FEM1C: variants seen among roughly 807,000 people sequenced by gnomAD.
FEM1C encodes protein fem-1 homolog C.
A neutral mutation model predicts 37.6 loss-of-function variants in FEM1C; 15 were observed. The observed-to-expected ratio is 0.40, with a 90% confidence interval of 0.27 to 0.61. FEM1C has a LOEUF of 0.61. FEM1C is among the 20% of genes least tolerant of loss of function. The pLI, the probability that FEM1C is intolerant of heterozygous loss-of-function variation, is 0.42. For synonymous variants in FEM1C, 287 were observed against 272.8 expected (o/e 1.05, Z -0.51); for missense variants, 532 against 749.7 (o/e 0.71, Z 3.39).
chr5:115,537,867 C>A (rs1754160143), intron 2 of FEM1C, among the ~76,000 whole-genome samples: 1 of 151,978 alleles, frequency 6.6e-6, no homozygotes, highest in Non-Finnish European at 1.5e-5. Context: ...ACTAAAATAA[C>A]CTAGAATGAC....
chr5:115,527,741 G>A (rs1753924732), intron 2 of FEM1C, among the ~76,000 whole-genome samples: 1 of 152,038 alleles, frequency 6.6e-6, no homozygotes, highest in African/African-American at 2.4e-5. Flanking sequence ...GGTAGCTCAC[G>A]CCTGTAATCC....
intron 2 of FEM1C, among the ~76,000 whole-genome samples, chr5:115,530,976 C>G (rs1754002841): frequency 6.6e-6 from 1 of 151,712 alleles, no homozygotes; most frequent in Admixed American, 6.6e-5. Context: ...AAAAGGGATA[C>G]GTATGCGAAT....
At position 115,544,594 on chromosome 5, in the gene FEM1C, G is replaced by C. The variant is rs1030672069; in HGVS notation, c.-262C>G. The C allele has an allele frequency of 2.6e-5, 4 of 154,434 alleles. No homozygotes were observed. Among genetic ancestry groups the C allele is most frequent in the African/African-American group, 9.6e-5 (4 of 41,480 alleles). The allele number at this position is 154,434 out of a possible 1,614,324, so 9.6% of individuals were successfully genotyped here. Reference sequence around the variant, plus strand: ...TGTCCGTCCCCTTCAAAGGGAAACCGTTGTCCCCACCGCCGCCCGGGCCGC... The same window carrying C: ...TGTCCGTCCCCTTCAAAGGGAAACCCTTGTCCCCACCGCCGCCCGGGCCGC... On this transcript the variant is annotated 5_prime_UTR_variant, in exon 1 of 3. Coordinates refer to ENST00000274457, the MANE Select transcript of FEM1C (RefSeq NM_020177.3).
intron 2 of FEM1C, among the ~76,000 whole-genome samples, chr5:115,541,630 T>G (rs1487848708): frequency 6.6e-6 from 1 of 152,144 alleles, no homozygotes; most frequent in Non-Finnish European, 1.5e-5. Flanking sequence ...TTGTTTATAT[T>G]AGCAAAGTAC....
intron 2 of FEM1C, among the ~76,000 whole-genome samples, chr5:115,540,985 ATTGT>A (rs1754229581): frequency 6.6e-6 from 1 of 152,120 alleles, no homozygotes; most frequent in Non-Finnish European, 1.5e-5. Context: ...AAGAATGATA[ATTGT>A]TTGGAGAAAA....
Position 115,524,251 on chromosome 5 carries a change from T to G in FEM1C, c.*57A>C. The G allele has an allele frequency of 7.0e-7, 1 of 1,422,938 alleles. No individual in the cohort carries two copies. The highest frequency in any genetic ancestry group is 1.2e-5 in the South Asian group (1 of 84,544). 88.1% of individuals were successfully genotyped at this position (1,422,938 alleles called of 1,614,324 possible). ...CTGGTGTTATCACAACAGTGCTCATTTATGAAACAACTGTTACCAATTCGT... is the reference window on the plus strand; with the variant it reads ...CTGGTGTTATCACAACAGTGCTCATGTATGAAACAACTGTTACCAATTCGT... On this transcript the variant is annotated 3_prime_UTR_variant, in exon 3 of 3. Coordinates refer to ENST00000274457, the MANE Select transcript of FEM1C (RefSeq NM_020177.3).
At chr5:115,542,921 A>G (rs776323442) in intron 2 of FEM1C, 29 bp downstream of exon 2, 1 of 1,587,694 alleles carries the variant, frequency 6.3e-7, no homozygotes, top group East Asian at 2.2e-5. Context: ...AGTGGTAGAC[A>G]TTTAGAAAAA....
chr5:115,540,567 A>G (rs1340992212), intron 2 of FEM1C, among the ~76,000 whole-genome samples: 1 of 152,078 alleles, frequency 6.6e-6, no homozygotes. Context: ...AGGCTAAAAG[A>G]TGATAGTGGT....
chr5:115,530,130 T>G (rs1208007874), intron 2 of FEM1C, among the ~76,000 whole-genome samples: 1 of 151,550 alleles, frequency 6.6e-6, no homozygotes, highest in African/African-American at 2.4e-5. Flanking sequence ...CAAAGAAAAC[T>G]CAAGACACAC....
chr5:115,523,691 A>G lies in FEM1C; in HGVS notation c.*617T>C, dbSNP rs1016516557. The stretch of plus-strand genomic sequence containing the variant: ...TCAAAAAATTAAGTTTGTAACAAAC[A>G]TAAGAAAACAGTGTTTTGAGTTGAA... On this transcript the variant is annotated 3_prime_UTR_variant, in exon 3 of 3. Coordinates refer to ENST00000274457, the MANE Select transcript of FEM1C (RefSeq NM_020177.3). 2.0e-5 allele frequency: 3 copies of G among 152,580 alleles called. No individual in the cohort carries two copies. Among genetic ancestry groups the G allele is most frequent in the Admixed American group, 1.3e-4 (2 of 15,244 alleles). 9.5% of individuals were successfully genotyped at this position (152,580 alleles called of 1,614,324 possible). A position where few individuals can be genotyped will look rare whatever the true frequency, so the allele number is the denominator to read the frequency against.
rs1346876436 is a variant in FEM1C at position 115,524,882 on chromosome 5, T to C, written c.1280A>G (p.Lys427Arg). 3.1e-6 allele frequency: 5 copies of C among 1,613,760 alleles called. No homozygotes were observed. The South Asian group carries it at 5.5e-5, about 18-fold the overall frequency. Residue 427 changes from lysine to arginine, a missense_variant, in exon 3 of 3, where the codon AAA becomes AGA. Lys to Arg is a conservative substitution (Grantham distance 26). Coordinates refer to ENST00000274457, the MANE Select transcript of FEM1C (RefSeq NM_020177.3). ...KSVLEIERAI[K>R]QTQCPADPLQ... ...TGGGTCAGCTGGACACTGAGTTTGT[T>C]TGATAGCTCGCTCTATTTCAAGGAC...
At chr5:115,526,308 C>T (rs772863992) in intron 2 of FEM1C, among the ~76,000 whole-genome samples, 2 of 152,128 alleles carry the variant, frequency 1.3e-5, no homozygotes, top group African/African-American at 2.4e-5. Context: ...CCCCAAAAAG[C>T]TCTCGTAAGA....
At chr5:115,535,749 G>A (rs897224844) in intron 2 of FEM1C, among the ~76,000 whole-genome samples, 4 of 151,904 alleles carry the variant, frequency 2.6e-5, no homozygotes, top group Non-Finnish European at 5.9e-5. Context: ...CTAGGTATGT[G>A]CCTGAGAGAA....
chr5:115,528,655 G>A (rs562550947), intron 2 of FEM1C, among the ~76,000 whole-genome samples: 1 of 151,904 alleles, frequency 6.6e-6, no homozygotes, highest in South Asian at 2.1e-4. Context: ...ATCATATTAG[G>A]GTTCAAATTA....
rs372057405 is a variant in FEM1C, at chr5:115,522,441, C to T, written c.*1867G>A. ...ACCTCTTCATCAAAAAGTTGGAGAT[C>T]GTTCATTTATATCCAATTTACCTTT... On this transcript the variant is annotated 3_prime_UTR_variant, in exon 3 of 3. Coordinates refer to ENST00000274457, the MANE Select transcript of FEM1C (RefSeq NM_020177.3). 2 of 151,794 alleles carry T rather than the reference C, an allele frequency of 1.3e-5. No homozygotes were observed. The highest frequency in any genetic ancestry group is 4.8e-5 in the African/African-American group (2 of 41,384). The allele number at this position is 151,794 out of a possible 1,614,324, so 9.4% of individuals were successfully genotyped here.
At chr5:115,537,870 A>T (rs1754160248) in intron 2 of FEM1C, among the ~76,000 whole-genome samples, 1 of 152,064 alleles carries the variant, frequency 6.6e-6, no homozygotes, top group Non-Finnish European at 1.5e-5. Flanking sequence ...AAAATAACCT[A>T]GAATGACATC....
intron 2 of FEM1C, among the ~76,000 whole-genome samples, chr5:115,535,373 T>A (rs1754104160): frequency 6.7e-6 from 1 of 149,910 alleles, no homozygotes; most frequent in African/African-American, 2.4e-5. Flanking sequence ...TATAAACAAC[T>A]CTTACAGTTC....
intron 2 of FEM1C, among the ~76,000 whole-genome samples, chr5:115,538,177 TTCTC>T (rs758900211): frequency 1.6e-4 from 25 of 152,108 alleles, no homozygotes; most frequent in Admixed American, 7.9e-4. Flanking sequence ...GTTCAATGTA[TTCTC>T]TCTGTGTAAG....
At chr5:115,531,704 C>T (rs1356154702) in intron 2 of FEM1C, among the ~76,000 whole-genome samples, 1 of 152,074 alleles carries the variant, frequency 6.6e-6, no homozygotes, top group Non-Finnish European at 1.5e-5. Flanking sequence ...AAAACTTTTA[C>T]TTTTGTACTC....
Sources: allele counts gnomAD v4.1 joint callset (sites outside exome capture counted in the v4.1 genomes callset), GRCh38; gene constraint gnomAD v4.1.1; transcripts MANE v1.5; gene names NCBI Gene and HGNC (gene_info 2026-07-23, HGNC 2026-07-21).